The following LOC112694756 variants were observed in gnomAD, a reference collection of about 807,000 sequenced individuals.
At chr16:30,068,858 G>C in the LOC112694756 span, 1 of 1,614,218 alleles carries the variant, frequency 6.2e-7, no homozygotes, top group Non-Finnish European at 8.5e-7. Flanking sequence ...AGTACAAGAA[G>C]GACGGAGCTG....
At chr16:30,067,774 C>G in the LOC112694756 span, 1 of 1,259,288 alleles carries the variant, frequency 7.9e-7, no homozygotes, top group Non-Finnish European at 1.2e-6. Context: ...TTGCATGGAG[C>G]CTGCTTCAGG....
the LOC112694756 span, among the ~76,000 whole-genome samples, chr16:30,059,922 C>G: frequency 6.6e-6 from 1 of 151,996 alleles, no homozygotes; most frequent in East Asian, 1.9e-4. Flanking sequence ...GTGCTTAGTT[C>G]CTTCCACCGA....
the LOC112694756 span, chr16:30,070,148 C>T: frequency 1.2e-6 from 2 of 1,614,156 alleles, no homozygotes; most frequent in East Asian, 2.2e-5. Flanking sequence ...GGAAAGTACA[C>T]TCCGAGCGGT....
At chr16:30,059,270 G>A in the LOC112694756 span, among the ~76,000 whole-genome samples, 1 of 151,950 alleles carries the variant, frequency 6.6e-6, no homozygotes, top group Non-Finnish European at 1.5e-5. Flanking sequence ...GGCCAAGGCG[G>A]GCAGATCACA....
At chr16:30,069,160 G>A in the LOC112694756 span, 1 of 1,325,114 alleles carries the variant, frequency 7.5e-7, no homozygotes, top group East Asian at 2.5e-5. Context: ...TGGATCTGAG[G>A]CGGCTCTTGT....
the LOC112694756 span, chr16:30,068,699 A>G: frequency 6.2e-7 from 1 of 1,614,224 alleles, no homozygotes; most frequent in South Asian, 1.1e-5. Flanking sequence ...CTACCACCCA[A>G]GGTGAGAACT....
chr16:30,067,615 C>G, the LOC112694756 span: 1 of 1,613,998 alleles, frequency 6.2e-7, no homozygotes, highest in African/African-American at 1.3e-5. Context: ...GATGGGCGTC[C>G]CTTCCCCCAA....
At chr16:30,059,006 C>T in the LOC112694756 span, 5 of 398,408 alleles carry the variant, frequency 1.3e-5, no homozygotes, top group East Asian at 7.1e-5. Flanking sequence ...TGAGAAATGA[C>T]GTGCTATGGA....
the LOC112694756 span, chr16:30,063,644 C>T: frequency 2.5e-6 from 1 of 398,740 alleles, no homozygotes; most frequent in Non-Finnish European, 4.4e-6. Flanking sequence ...TGAGATTTCC[C>T]AGGCCTCTCT....
chr16:30,066,355 A>T, the LOC112694756 span: 1 of 152,524 alleles, frequency 6.6e-6, no homozygotes, highest in African/African-American at 2.4e-5. Context: ...GCGGTGCTTG[A>T]TGCCCCCTTA....
chr16:30,066,512 T>C, the LOC112694756 span, among the ~76,000 whole-genome samples: 1 of 152,234 alleles, frequency 6.6e-6, no homozygotes, highest in Non-Finnish European at 1.5e-5. Flanking sequence ...ATGGCAAAGC[T>C]TACCGCTTTC....
chr16:30,059,534 CTTT>C, the LOC112694756 span, among the ~76,000 whole-genome samples: 2 of 141,156 alleles, frequency 1.4e-5, no homozygotes, highest in African/African-American at 2.6e-5. Flanking sequence ...ATCTCTCTTT[CTTT>C]TTTTTTTTTT....
chr16:30,069,485 C>A, the LOC112694756 span: 2 of 1,614,132 alleles, frequency 1.2e-6, no homozygotes, highest in African/African-American at 2.7e-5. Context: ...CACCGTGCGC[C>A]TGCTCTGCTC....
At chr16:30,056,111 T>G in the LOC112694756 span, among the ~76,000 whole-genome samples, 2 of 145,734 alleles carry the variant, frequency 1.4e-5, no homozygotes, top group Non-Finnish European at 3.0e-5. Flanking sequence ...CATGGTTTTT[T>G]TTTTTTTTTT....
At chr16:30,069,535 C>T in the LOC112694756 span, 1 of 1,614,144 alleles carries the variant, frequency 6.2e-7, no homozygotes, top group Non-Finnish European at 8.5e-7. Context: ...GAGTGACCAC[C>T]ACATCTACCT....
the LOC112694756 span, chr16:30,067,746 G>A: frequency 6.6e-7 from 1 of 1,523,612 alleles, no homozygotes; most frequent in Non-Finnish European, 9.1e-7. Context: ...ATGAATGCTG[G>A]ATTGGTGGCC....
chr16:30,068,485 C>G, the LOC112694756 span: 3 of 792,620 alleles, frequency 3.8e-6, no homozygotes, highest in South Asian at 4.4e-5. Flanking sequence ...GAGGGGCACG[C>G]CCAGCTACCT....
At chr16:30,067,479 G>A in the LOC112694756 span, 2 of 1,613,266 alleles carry the variant, frequency 1.2e-6, no homozygotes, top group Non-Finnish European at 1.7e-6. Flanking sequence ...GCAGTCCATT[G>A]GCACCGAGAA....
the LOC112694756 span, chr16:30,067,008 C>G: frequency 1.9e-6 from 3 of 1,569,724 alleles, no homozygotes; most frequent in South Asian, 3.5e-5. Context: ...CTCAGCTGGG[C>G]AACACCCAGC....
Sources: gnomAD v4.1 joint callset for allele counts (sites outside exome capture counted in the v4.1 genomes callset) on GRCh38, gnomAD v4.1.1 for gene constraint, MANE v1.5 for transcripts.